Variants in CSF2RB observed in about 807,000 individuals in gnomAD.
CSF2RB encodes cytokine receptor common subunit beta.
CSF2RB carries 22 observed loss-of-function variants against 67.2 expected under a neutral mutation model. The ratio of observed to expected loss-of-function variants is 0.33; its 90% CI spans 0.23 to 0.47. CSF2RB has a LOEUF of 0.47. CSF2RB is among the 20% of genes least tolerant of loss of function. The pLI is 1.00. For missense variants in CSF2RB, 1,113 were observed against 1,174.5 expected (o/e 0.95, Z 0.76); for synonymous variants, 507 against 482.9 (o/e 1.05, Z -0.65).
At chr22:36,936,714 T>A in intron 13 of CSF2RB, 62 bp downstream of exon 13, 1 of 1,438,004 alleles carries the variant, frequency 7.0e-7, no homozygotes, top group Non-Finnish European at 9.6e-7. Flanking sequence ...GACTCCATTG[T>A]GGAAATCAGG....
At chr22:36,935,226 G>A (rs1252690397) in intron 10 of CSF2RB, 125 bp from the exon 11 acceptor site, 6 of 872,460 alleles carry the variant, frequency 6.9e-6, no homozygotes, top group African/African-American at 1.7e-5. Flanking sequence ...AAGGCAGTAA[G>A]TTCCAGAGCC....
At chr22:36,925,919 C>G (rs1941004301) in intron 3 of CSF2RB, 68 bp from the exon 4 acceptor site, 1 of 1,550,434 alleles carries the variant, frequency 6.4e-7, no homozygotes, top group Non-Finnish European at 8.9e-7. Flanking sequence ...GTGGTGAGCA[C>G]TCGAGGAACC....
chr22:36,933,015 A>G, intron 9 of CSF2RB, 111 bp downstream of exon 9: 1 of 1,329,792 alleles, frequency 7.5e-7, no homozygotes, highest in South Asian at 1.3e-5. Flanking sequence ...GTGACCAGTG[A>G]GAGGTAGCCA....
At position 36,923,254 on chromosome 22, in the gene CSF2RB, G is replaced by T. The variant is rs372145171; in HGVS notation, c.87G>T (p.Pro29=). ...TACCCCTCTTGTCAGAAACCATCCC[G>T]CTGCAGACCCTGCGCTGCTACAACG... is the stretch of plus-strand genomic sequence containing the variant. ...RSLAGAEETI[P]LQTLRCYNDY... is the part of the protein sequence containing the mutation. Residue 29 remains proline (P), a synonymous_variant, in exon 3 of 14, where the codon CCG becomes CCT. Transcript: ENST00000403662. The T allele has an allele frequency of 1.9e-6, 3 of 1,614,166 alleles. No individual in the cohort carries two copies. The highest frequency in any genetic ancestry group is 2.2e-5 in the South Asian group (2 of 91,084).
rs780418241 is a variant in CSF2RB, at chr22:36,929,395, C to T, written c.392-7C>T. 1.9e-5 allele frequency: 30 copies of T among 1,614,190 alleles called. No homozygotes were observed. Among genetic ancestry groups the T allele is most frequent in the Non-Finnish European group, 1.6e-5 (19 of 1,180,030 alleles). ...CCCTTAGGTGCCCTTCACTTCCTCC[C>T]CTCCAGTCCAGCCTCCTGAGCCCAG... On this transcript the variant is annotated splice_polypyrimidine_tract_variant and splice_region_variant and intron_variant, in intron 4 of 13. Coordinates refer to ENST00000403662, the MANE Select transcript of CSF2RB (RefSeq NM_000395.3).
chr22:36,936,752 C>A, intron 13 of CSF2RB, 100 bp downstream of exon 13: 2 of 1,026,068 alleles, frequency 1.9e-6, no homozygotes, highest in Non-Finnish European at 2.9e-6. Flanking sequence ...CTGTGGCTCA[C>A]TGTGAAGGGA....
chr22:36,939,043 T>A lies in CSF2RB; in HGVS notation c.*541T>A. 3 of 659,812 alleles carry A rather than the reference T, an allele frequency of 4.5e-6. No individual in the cohort carries two copies. In the East Asian group the frequency reaches 8.0e-5, roughly 18 times the overall value. 40.9% of individuals were successfully genotyped at this position (659,812 alleles called of 1,614,324 possible). On this transcript the variant is annotated 3_prime_UTR_variant, in exon 14 of 14. Transcript: ENST00000403662. ...CCGTGGGGGTTAGGGCTTGGAAGAGTGGCACAGGACTGGGCACGCTCAGTG... is the reference window on the plus strand; with the variant it reads ...CCGTGGGGGTTAGGGCTTGGAAGAGAGGCACAGGACTGGGCACGCTCAGTG...
rs1261256326 is a variant in CSF2RB, at chr22:36,937,371, C to A, written c.1569-6C>A. 6.2e-7 allele frequency: 1 copy of A among 1,613,200 alleles called. No individual in the cohort carries two copies. Among genetic ancestry groups the A allele is most frequent in the South Asian group, 1.1e-5 (1 of 91,062 alleles). On this transcript the variant is annotated splice_region_variant and splice_polypyrimidine_tract_variant and intron_variant, in intron 13 of 13. Transcript: ENST00000403662. This position sits in a 1 kb window ranked among gnomAD's most constrained non-coding sequence, Gnocchi z 4.6. ...CCCAACTCTTCTGCCCATTTTCTTCCCACAGGGTGTTCCCTGTAGGATTCG... is the reference window on the plus strand; with the variant it reads ...CCCAACTCTTCTGCCCATTTTCTTCACACAGGGTGTTCCCTGTAGGATTCG...
intron 4 of CSF2RB, 68 bp from the exon 5 acceptor site, chr22:36,929,334 G>T: frequency 6.2e-7 from 1 of 1,609,456 alleles, no homozygotes; most frequent in Non-Finnish European, 8.5e-7. Flanking sequence ...CCACACAAAA[G>T]GCCATGCAGG....
At chr22:36,921,012 C>T (rs1940850098) in intron 1 of CSF2RB, among the ~76,000 whole-genome samples, 1 of 150,704 alleles carries the variant, frequency 6.6e-6, no homozygotes, top group Admixed American at 6.6e-5. Flanking sequence ...TGTGTCTGTG[C>T]ATGTATCTGT....
Position 36,939,848 on chromosome 22 carries a change from C to T in CSF2RB, c.*1346C>T, listed in dbSNP as rs928384981. On this transcript the variant is annotated 3_prime_UTR_variant, in exon 14 of 14. Transcript: ENST00000403662. ...TGTCAAACAGATCCCTAGTAAACTC[C>T]TTCTTCACTTTTACTGTCAGATTTA... 1 of 152,234 alleles carries T rather than the reference C, an allele frequency of 6.6e-6. No homozygotes were observed. The highest frequency in any genetic ancestry group is 1.5e-5 in the Non-Finnish European group (1 of 68,062). The allele number at this position is 152,234 out of a possible 1,614,324, so 9.4% of individuals were successfully genotyped here. A position where few individuals can be genotyped will look rare whatever the true frequency, so the allele number is the denominator to read the frequency against.
At position 36,937,981 on chromosome 22, in the gene CSF2RB, G is replaced by T; in HGVS notation, c.2173G>T (p.Ala725Ser). Reference protein sequence around the residue: ...ADLVFTPNSGASSVSLVPSLG... With the variant: ...ADLVFTPNSGSSSVSLVPSLG... The stretch of plus-strand genomic sequence containing the variant: ...CCTGGTATTCACCCCAAACTCAGGG[G>T]CCTCGTCTGTCTCCCTAGTTCCCTC... The change falls in exon 14 of 14, where the codon GCC (alanine) becomes TCC (serine). Residue 725 changes from alanine to serine, a missense_variant. Physicochemically the swap from Ala to Ser is moderately conservative, Grantham distance 99. Transcript: ENST00000403662. The surrounding 1 kb of genome is among the most constrained non-coding windows in gnomAD (Gnocchi z 4.6). 6.2e-7 allele frequency: 1 copy of T among 1,614,104 alleles called. No individual in the cohort carries two copies. The highest frequency in any genetic ancestry group is 8.5e-7 in the Non-Finnish European group (1 of 1,180,000).
intron 10 of CSF2RB, 55 bp from the exon 11 acceptor site, chr22:36,935,296 A>C (rs2145819412): frequency 1.3e-6 from 2 of 1,549,082 alleles, no homozygotes; most frequent in East Asian, 4.5e-5. Flanking sequence ...CCCTGCCCTG[A>C]GGTCGATTTC....
rs755409736 is a variant in CSF2RB, at chr22:36,930,513, G to A, written c.854+3G>A. The A allele has an allele frequency of 2.5e-6, 4 of 1,613,190 alleles. No homozygotes were observed. Among genetic ancestry groups the A allele is most frequent in the Admixed American group, 1.7e-5 (1 of 59,986 alleles). On this transcript the variant is annotated splice_donor_region_variant and intron_variant, in intron 7 of 13. Transcript: ENST00000403662. ...TACAAGCCCAGCCCAGATGCAGGGT[G>A]AGCATCTTTTTTCTCCATCCCCTCC...
chr22:36,932,728 G>C, intron 8 of CSF2RB, 37 bp from the exon 9 acceptor site: 1 of 1,607,572 alleles, frequency 6.2e-7, no homozygotes, highest in Non-Finnish European at 8.5e-7. Context: ...TTGGAGGGTG[G>C]GTATGATGAC....
rs562145419 is a variant in CSF2RB, at chr22:36,928,931, C to T, written c.392-471C>T. 1.8e-4 allele frequency among the ~76,000 whole-genome samples: 27 copies of T among 152,246 alleles called. No homozygotes were observed. The East Asian group carries it at 5.0e-3, about 28-fold the overall frequency. On this transcript the variant is annotated intron_variant, in intron 4 of 13. Coordinates refer to ENST00000403662, the MANE Select transcript of CSF2RB (RefSeq NM_000395.3). ...AAATGAGAGAAGGAATGAGGGATTC[C>T]GCCTGGAGATGCAGATCCGAGGATG...
Position 36,939,614 on chromosome 22 carries a change from T to C in CSF2RB, c.*1112T>C, listed in dbSNP as rs866946107. On this transcript the variant is annotated 3_prime_UTR_variant, in exon 14 of 14. Transcript: ENST00000403662. ...TCCAGTTTGCACATATTTTTATAGGTATCTTAGGCATCGATTGGTATTTTT... is the reference window on the plus strand; with the variant it reads ...TCCAGTTTGCACATATTTTTATAGGCATCTTAGGCATCGATTGGTATTTTT... 2.7e-4 allele frequency: 56 copies of C among 207,684 alleles called. No homozygotes were observed. The highest frequency in any genetic ancestry group is 4.2e-3 in the Middle Eastern group (2 of 476). The allele number at this position is 207,684 out of a possible 1,614,324, so 12.9% of individuals were successfully genotyped here.
At chr22:36,933,711 G>A (rs1389654117) in intron 9 of CSF2RB, 121 bp from the exon 10 acceptor site, 25 of 1,349,938 alleles carry the variant, frequency 1.9e-5, no homozygotes, top group Admixed American at 1.8e-4. Flanking sequence ...GAGAGAAGCC[G>A]CAGCAGGCCT....
At position 36,937,792 on chromosome 22, in the gene CSF2RB, G is replaced by C. The variant is rs1363327308; in HGVS notation, c.1984G>C (p.Ala662Pro). 22 of 1,590,076 alleles carry C rather than the reference G, an allele frequency of 1.4e-5. No homozygotes were observed. The highest frequency in any genetic ancestry group is 1.7e-4 in the Middle Eastern group (1 of 6,022). ...VEVERRPSQG[A>P]AGSPSLESGG... The stretch of plus-strand genomic sequence containing the variant: ...AGTGGAGAGAAGGCCGAGCCAGGGG[G>C]CTGCAGGGAGTCCCTCCCTGGAGTC... The change falls in exon 14 of 14, where the codon GCT becomes CCT. Residue 662 changes from alanine (A) to proline (P), a missense_variant. Physicochemically the swap from Ala to Pro is conservative, Grantham distance 27. This residue lies in a region of CSF2RB where 554 missense variants were observed against 517.9 expected (regional missense o/e 1.07). Transcript: ENST00000403662. This position sits in a 1 kb window ranked among gnomAD's most constrained non-coding sequence, Gnocchi z 4.6.
Sources: gnomAD v4.1 joint callset for allele counts (sites outside exome capture counted in the v4.1 genomes callset) on GRCh38, gnomAD v4.1.1 for gene constraint, gnomAD v4.1.1 regional missense constraint, Gnocchi (gnomAD v3.1) non-coding constraint, MANE v1.5 for transcripts, NCBI Gene and HGNC (gene_info 2026-07-23, HGNC 2026-07-21) for gene names.